Variants in METTL16 observed in about 807,000 individuals in gnomAD.
METTL16 encodes methyltransferase 16, RNA N6-adenosine, also known as RNA N(6)-adenosine-methyltransferase METTL16.
In METTL16, 19 loss-of-function variants were observed where a neutral mutation model predicts 57.9. The ratio of observed to expected loss-of-function variants is 0.33; its 90% CI spans 0.23 to 0.48. The LOEUF (loss-of-function observed/expected upper bound fraction) is 0.48. METTL16 is among the 20% of genes least tolerant of loss of function. The pLI, the probability that METTL16 is intolerant of heterozygous loss-of-function variation, is 0.99. For missense variants in METTL16, 434 were observed against 691.5 expected, an observed-to-expected ratio of 0.63 and a Z score of 4.18; for synonymous variants, 246 against 255.6, an observed-to-expected ratio of 0.96 and a Z score of 0.36.
At chr17:2,488,605 C>T (rs1174368647) in intron 2 of METTL16, among the ~76,000 whole-genome samples, 3 of 152,086 alleles carry the variant, frequency 2.0e-5, no homozygotes, top group Non-Finnish European at 4.4e-5. Context: ...AAAGGAAATC[C>T]TGTCACGTGC....
chr17:2,445,610 A>G (rs989261214), intron 6 of METTL16, among the ~76,000 whole-genome samples: 22 of 151,228 alleles, frequency 1.5e-4, no homozygotes, highest in Non-Finnish European at 2.7e-4. Context: ...ATATGGCAAA[A>G]CCCCGCCTCT....
chr17:2,473,494 G>A (rs771087623), intron 4 of METTL16, 30 bp downstream of exon 4: 2 of 1,591,614 alleles, frequency 1.3e-6, no homozygotes, highest in Non-Finnish European at 1.7e-6. Flanking sequence ...AAGACACAAA[G>A]TTTGGAGGCA....
At position 2,488,282 on chromosome 17, in the gene METTL16, C is replaced by T. The variant is rs1012720504; in HGVS notation, c.129-10397G>A. Among the ~76,000 whole-genome samples the T allele has an allele frequency of 3.3e-5, 5 of 152,158 alleles. No homozygotes were observed. In the East Asian group the frequency reaches 9.7e-4, roughly 30 times the overall value. ...TAAAAAGAAGGAAATCCCAGCCCGG[C>T]GCAGTGGCTCACGCCTGTAATCCCA... On this transcript the variant is annotated intron_variant, in intron 2 of 9. Coordinates refer to ENST00000263092, the MANE Select transcript of METTL16 (RefSeq NM_024086.4).
intron 6 of METTL16, among the ~76,000 whole-genome samples, chr17:2,458,689 G>A (rs879351564): frequency 1.3e-5 from 2 of 151,990 alleles, no homozygotes; most frequent in Non-Finnish European, 2.9e-5. Context: ...TGCAGCCTGG[G>A]TGACAGAGCA....
chr17:2,437,730 A>G (rs2066919064), intron 8 of METTL16, among the ~76,000 whole-genome samples: 1 of 152,032 alleles, frequency 6.6e-6, no homozygotes, highest in African/African-American at 2.4e-5. Context: ...TTGCATTTTT[A>G]GCAGAGACAC....
intron 5 of METTL16, among the ~76,000 whole-genome samples, chr17:2,466,193 C>CAAAAAAAAAAAAAAAAAAAAAA (rs35300433): frequency 9.6e-6 from 1 of 103,898 alleles, no homozygotes. Flanking sequence ...GACTCTGTCA[C>CAAAAAAAAAAAAAAAAAAAAAA]AAAAAAAAAA....
At chr17:2,489,572 CT>C (rs1337167606) in intron 2 of METTL16, among the ~76,000 whole-genome samples, 1 of 151,360 alleles carries the variant, frequency 6.6e-6, no homozygotes, top group Non-Finnish European at 1.5e-5. Context: ...CCCGTCTCTA[CT>C]AAAAATGCAA....
At position 2,438,219 on chromosome 17, in the gene METTL16, A is replaced by G. The variant is rs754785707; in HGVS notation, c.799-21T>C. On this transcript the variant is annotated intron_variant, in intron 7 of 9. Coordinates refer to ENST00000263092, the MANE Select transcript of METTL16 (RefSeq NM_024086.4). ...GGAACCTGAAACCAACAAAGACAGC[A>G]TCTCATCAAACTGCAATCATTCTAC... is the stretch of plus-strand genomic sequence containing the variant. The G allele has an allele frequency of 5.1e-6, 8 of 1,569,346 alleles. No individual in the cohort carries two copies. In the South Asian group the frequency reaches 8.9e-5, roughly 17 times the overall value.
At chr17:2,436,643 G>A (rs560135714) in intron 8 of METTL16, 1 of 152,284 alleles carries the variant, frequency 6.6e-6, no homozygotes, top group Non-Finnish European at 1.5e-5. Flanking sequence ...CAGGTGTCAG[G>A]TCCCCGCACA....
At chr17:2,431,712 C>A (rs922098728) in intron 8 of METTL16, among the ~76,000 whole-genome samples, 2 of 152,006 alleles carry the variant, frequency 1.3e-5, no homozygotes, top group Non-Finnish European at 2.9e-5. Flanking sequence ...TTTTTGGTAT[C>A]TTTTGACTCA....
At chr17:2,458,891 C>T (rs1388476704) in intron 6 of METTL16, among the ~76,000 whole-genome samples, 1 of 151,840 alleles carries the variant, frequency 6.6e-6, no homozygotes, top group Non-Finnish European at 1.5e-5. Context: ...ACTGTAGCCT[C>T]GACCTCCTGG....
chr17:2,498,171 G>A (rs1400433877), intron 2 of METTL16, among the ~76,000 whole-genome samples: 2 of 136,724 alleles, frequency 1.5e-5, no homozygotes, highest in Admixed American at 7.6e-5. Flanking sequence ...TCCAGCCTGG[G>A]CGACAGAGTA....
intron 1 of METTL16, among the ~76,000 whole-genome samples, chr17:2,511,199 C>G (rs2067584508): frequency 7.2e-6 from 1 of 138,514 alleles, no homozygotes; most frequent in East Asian, 2.1e-4. Flanking sequence ...ATAGTAGAAC[C>G]CTGAGAATGA....
chr17:2,472,127 A>T (rs1287128511), intron 4 of METTL16, among the ~76,000 whole-genome samples: 7 of 151,980 alleles, frequency 4.6e-5, no homozygotes, highest in Admixed American at 1.3e-4. Context: ...AAAAAAAAAA[A>T]GGGCAAAAGG....
intron 2 of METTL16, among the ~76,000 whole-genome samples, chr17:2,499,032 G>A (rs2067467434): frequency 6.6e-6 from 1 of 151,524 alleles, no homozygotes; most frequent in South Asian, 2.1e-4. Flanking sequence ...ACAACCAAGA[G>A]ACCATTTCGG....
chr17:2,498,282 T>C (rs949134023), intron 2 of METTL16, among the ~76,000 whole-genome samples: 2 of 137,014 alleles, frequency 1.5e-5, no homozygotes, highest in African/African-American at 2.8e-5. Context: ...CATGGTGGCA[T>C]GTGCCTGTAG....
At chr17:2,500,174 C>T (rs2067476998) in intron 2 of METTL16, among the ~76,000 whole-genome samples, 1 of 152,170 alleles carries the variant, frequency 6.6e-6, no homozygotes. Flanking sequence ...CAGGTTAAGT[C>T]TTGCCCCAGG....
chr17:2,473,580 C>T lies in METTL16; in HGVS notation c.413G>A (p.Cys138Tyr). Reference protein sequence around the residue: ...YFLATEVDDMCFNYAKKNVEQ... With the variant: ...YFLATEVDDMYFNYAKKNVEQ... ...CACATTTTTCTTTGCATAGTTGAAA[C>T]ACATATCATCCACTTCTGTTGCGAG... Residue 138 changes from cysteine (C) to tyrosine (Y), a missense_variant, in exon 4 of 10, where the codon TGT becomes TAT. By Grantham distance (194) the Cys-to-Tyr change is radical (BLOSUM62 -2). Coordinates refer to ENST00000263092, the MANE Select transcript of METTL16 (RefSeq NM_024086.4). 1 of 1,614,096 alleles carries T rather than the reference C, an allele frequency of 6.2e-7. No homozygotes were observed. The highest frequency in any genetic ancestry group is 8.5e-7 in the Non-Finnish European group (1 of 1,180,006).
intron 4 of METTL16, among the ~76,000 whole-genome samples, chr17:2,473,032 G>A (rs923126951): frequency 2.0e-5 from 3 of 152,128 alleles, no homozygotes; most frequent in Non-Finnish European, 4.4e-5. Flanking sequence ...TTCATCACCT[G>A]TAACAAATAT....
Sources: gnomAD v4.1 joint callset for allele counts (sites outside exome capture counted in the v4.1 genomes callset) on GRCh38, gnomAD v4.1.1 for gene constraint, MANE v1.5 for transcripts, NCBI Gene and HGNC (gene_info 2026-07-23, HGNC 2026-07-21) for gene names.